The following CDYL2 variants were observed in gnomAD, a reference collection of about 807,000 sequenced individuals.
The protein encoded by CDYL2 is chromodomain Y like 2.
CDYL2 carries 23 observed loss-of-function variants against 49.4 expected under a neutral mutation model. The observed-to-expected ratio is 0.47, with a 90% confidence interval of 0.34 to 0.66. The LOEUF is 0.66. Ranked by LOEUF, CDYL2 falls within the 30% of genes least tolerant of loss-of-function variation. The pLI, the probability that CDYL2 is intolerant of heterozygous loss-of-function variation, is 0.01. For synonymous variants in CDYL2, 360 were observed against 268.8 expected (o/e 1.34, Z -3.32); for missense variants, 678 against 656.4 (o/e 1.03, Z -0.36).
chr16:80,677,020 G>T (rs1331550990), intron 2 of CDYL2, among the ~76,000 whole-genome samples: 3 of 142,612 alleles, frequency 2.1e-5, no homozygotes, highest in Non-Finnish European at 4.5e-5. Context: ...GCCCAGGCTG[G>T]AGTGCAGTGG....
At chr16:80,670,934 G>C in intron 2 of CDYL2, 1 of 456,008 alleles carries the variant, frequency 2.2e-6, no homozygotes, top group Non-Finnish European at 4.4e-6. Flanking sequence ...CTCACCAGCT[G>C]TTCTTCCACC....
chr16:80,643,546 C>T (rs1908198476), intron 2 of CDYL2, among the ~76,000 whole-genome samples: 1 of 152,254 alleles, frequency 6.6e-6, no homozygotes, highest in Non-Finnish European at 1.5e-5. Context: ...CCAAGAGAGC[C>T]CTGCCCCTGC....
rs575135279 is a variant in CDYL2, at chr16:80,762,505, G to A, written c.24+41645C>T. On this transcript the variant is annotated intron_variant, in intron 1 of 6. Transcript: ENST00000570137. ...ACTCACAATCGCCAAAGCGTCAGAT[G>A]GCATCAAGTCATTTCAGGCCAAAGC... is the stretch of plus-strand genomic sequence containing the variant. Among the ~76,000 whole-genome samples the A allele has an allele frequency of 2.6e-5, 4 of 152,298 alleles. No individual in the cohort carries two copies. The South Asian group carries it at 8.3e-4, about 32-fold the overall frequency.
At chr16:80,712,089 GTA>G (rs1255096295) in intron 1 of CDYL2, among the ~76,000 whole-genome samples, 53 of 147,368 alleles carry the variant, frequency 3.6e-4, no homozygotes, top group South Asian at 1.5e-3. Flanking sequence ...AGATGTGTGT[GTA>G]TATATATGTG....
rs533980684 is a variant in CDYL2, at chr16:80,791,872, A to G, written c.24+12278T>C. On this transcript the variant is annotated intron_variant, in intron 1 of 6. Coordinates refer to ENST00000570137, the MANE Select transcript of CDYL2 (RefSeq NM_152342.4). ...GTTGAAAGACTCATGAGTATAGTCC[A>G]GAGAAAAATGGAAGTAGGAAGGGCT... Among the ~76,000 whole-genome samples the G allele has an allele frequency of 1.3e-4, 20 of 152,366 alleles. No individual in the cohort carries two copies. The South Asian group carries it at 3.5e-3, about 27-fold the overall frequency.
intron 3 of CDYL2, among the ~76,000 whole-genome samples, chr16:80,623,501 T>A (rs56328605): frequency 0.017 from 2,600 of 152,236 alleles, 69 homozygotes; most frequent in African/African-American, 0.059. Context: ...GTATGGTCCT[T>A]AGACCAGCAG....
intron 3 of CDYL2, among the ~76,000 whole-genome samples, chr16:80,627,259 C>G (rs1032586899): frequency 2.6e-5 from 4 of 152,038 alleles, no homozygotes; most frequent in Non-Finnish European, 5.9e-5. Context: ...ATACTCTCAC[C>G]TATACATGAA....
In CDYL2 at chr16:80,601,847, G is replaced by A. The variant is rs901665344; in HGVS notation, c.*2541C>T. ...ACAGCAAGATTTCCACCTTAGAAAT[G>A]GTTTCACATTCCTACCTTAATCTTC... On this transcript the variant is annotated 3_prime_UTR_variant, in exon 7 of 7. Coordinates refer to ENST00000570137, the MANE Select transcript of CDYL2 (RefSeq NM_152342.4). 6.6e-6 allele frequency: 1 copy of A among 152,068 alleles called. No individual in the cohort carries two copies. The highest frequency in any genetic ancestry group is 2.1e-4 in the South Asian group (1 of 4,820). The allele number at this position is 152,068 out of a possible 1,614,324, so 9.4% of individuals were successfully genotyped here.
intron 1 of CDYL2, among the ~76,000 whole-genome samples, chr16:80,741,359 C>A (rs1202136977): frequency 1.3e-5 from 2 of 151,162 alleles, no homozygotes; most frequent in Non-Finnish European, 2.9e-5. Context: ...AAAAAAAATG[C>A]ACACACACAC....
intron 3 of CDYL2, among the ~76,000 whole-genome samples, chr16:80,624,110 G>T (rs1195714665): frequency 6.6e-6 from 1 of 152,102 alleles, no homozygotes; most frequent in East Asian, 1.9e-4. Flanking sequence ...CAGCAACACT[G>T]CGTATCTAGA....
intron 1 of CDYL2, among the ~76,000 whole-genome samples, chr16:80,746,921 G>A (rs537410200): frequency 6.6e-6 from 1 of 151,966 alleles, no homozygotes; most frequent in South Asian, 2.1e-4. Flanking sequence ...AAAATTAATA[G>A]AACTGCAAAT....
chr16:80,637,091 A>G (rs2142398716), intron 2 of CDYL2, among the ~76,000 whole-genome samples: 1 of 152,276 alleles, frequency 6.6e-6, no homozygotes, highest in South Asian at 2.1e-4. Flanking sequence ...ATTAGAAGAA[A>G]TACCTAATAT....
chr16:80,711,039 T>C (rs1904577897), intron 1 of CDYL2, among the ~76,000 whole-genome samples: 1 of 152,192 alleles, frequency 6.6e-6, no homozygotes, highest in African/African-American at 2.4e-5. Flanking sequence ...GCTGTAAATA[T>C]GGAAACAATA....
At chr16:80,705,512 C>A (rs1307124910) in intron 1 of CDYL2, among the ~76,000 whole-genome samples, 1 of 152,258 alleles carries the variant, frequency 6.6e-6, no homozygotes, top group African/African-American at 2.4e-5. Flanking sequence ...AGAAGGCACA[C>A]TGAGGGAACG....
At chr16:80,765,613 G>T (rs1162058781) in intron 1 of CDYL2, among the ~76,000 whole-genome samples, 1 of 149,806 alleles carries the variant, frequency 6.7e-6, no homozygotes, top group East Asian at 2.0e-4. Context: ...CTTGTACACA[G>T]ATGTTCACAG....
upstream of CDYL2, among the ~76,000 whole-genome samples, chr16:80,804,751 G>T (rs1908049600): frequency 6.7e-6 from 1 of 149,944 alleles, no homozygotes; most frequent in African/African-American, 2.4e-5. Context: ...GCAGCTGGCG[G>T]GGCCCCCGGG....
At chr16:80,762,301 G>A (rs1222366636) in intron 1 of CDYL2, among the ~76,000 whole-genome samples, 1 of 152,184 alleles carries the variant, frequency 6.6e-6, no homozygotes, top group Non-Finnish European at 1.5e-5. Flanking sequence ...CTATACAAAT[G>A]CAGACCATCG....
intron 4 of CDYL2, among the ~76,000 whole-genome samples, chr16:80,615,982 G>A (rs551325537): frequency 2.0e-5 from 3 of 152,294 alleles, no homozygotes; most frequent in Non-Finnish European, 2.9e-5. Context: ...GCGGGGCTGC[G>A]TGGGGAAAAC....
chr16:80,645,176 A>G (rs1480447955), intron 2 of CDYL2, among the ~76,000 whole-genome samples: 1 of 152,248 alleles, frequency 6.6e-6, no homozygotes, highest in Non-Finnish European at 1.5e-5. Flanking sequence ...GCACAGCAAA[A>G]GAAACTACCA....
Sources: gnomAD v4.1 joint callset for allele counts (sites outside exome capture counted in the v4.1 genomes callset) on GRCh38, gnomAD v4.1.1 for gene constraint, MANE v1.5 for transcripts, NCBI Gene and HGNC (gene_info 2026-07-23, HGNC 2026-07-21) for gene names.